The following PTPN4 variants were observed in gnomAD, a reference collection of about 807,000 sequenced individuals.
PTPN4 encodes the protein tyrosine-protein phosphatase non-receptor type 4.
In PTPN4, 49 loss-of-function variants were observed where a neutral mutation model predicts 135.5. The ratio of observed to expected loss-of-function variants is 0.36; its 90% CI spans 0.29 to 0.46. The LOEUF (loss-of-function observed/expected upper bound fraction) is 0.46. PTPN4 is among the 20% of genes least tolerant of loss of function. The pLI is 1.00. For synonymous variants in PTPN4, 333 were observed against 369.9 expected, an observed-to-expected ratio of 0.90 and a Z score of 1.14; for missense variants, 860 against 1,101.0, an observed-to-expected ratio of 0.78 and a Z score of 3.10.
intron 2 of PTPN4, among the ~76,000 whole-genome samples, chr2:119,827,145 C>A (rs114298709): frequency 0.016 from 2,408 of 152,258 alleles, 31 homozygotes; most frequent in Non-Finnish European, 0.028. Context: ...TACACATTTG[C>A]TTCCTAAGTT....
chr2:119,976,557 G>C (rs887680607), intron 26 of PTPN4, among the ~76,000 whole-genome samples: 1 of 152,018 alleles, frequency 6.6e-6, no homozygotes, highest in African/African-American at 2.4e-5. Context: ...CCCTGTTGAT[G>C]GCAATTAAAT....
chr2:119,902,371 C>G (rs1678418551), intron 10 of PTPN4, among the ~76,000 whole-genome samples: 1 of 152,154 alleles, frequency 6.6e-6, no homozygotes, highest in Non-Finnish European at 1.5e-5. Flanking sequence ...TTCACACACA[C>G]AAACAAAAAT....
At chr2:119,940,137 A>T (rs187017953) in intron 15 of PTPN4, among the ~76,000 whole-genome samples, 2 of 152,318 alleles carry the variant, frequency 1.3e-5, no homozygotes, top group Admixed American at 1.3e-4. Flanking sequence ...ATAGATTCCT[A>T]CTGTTAAAAT....
At chr2:119,837,483 C>T (rs190929955) in intron 2 of PTPN4, among the ~76,000 whole-genome samples, 14 of 151,834 alleles carry the variant, frequency 9.2e-5, no homozygotes, top group South Asian at 4.1e-4. Context: ...GCTATGCTGT[C>T]GCTCCGTGAA....
At chr2:119,847,714 T>A (rs1033652375) in intron 2 of PTPN4, among the ~76,000 whole-genome samples, 6 of 152,186 alleles carry the variant, frequency 3.9e-5, no homozygotes, top group Admixed American at 2.6e-4. Flanking sequence ...TGGGGTCACT[T>A]TTTTTCAGCC....
At chr2:119,858,059 G>A (rs575552984) in intron 2 of PTPN4, among the ~76,000 whole-genome samples, 4 of 152,274 alleles carry the variant, frequency 2.6e-5, no homozygotes, top group South Asian at 2.1e-4. Flanking sequence ...TGCTCTTGCC[G>A]TGTGATGTGC....
At chr2:119,764,107 A>G (rs1176863757) in intron 1 of PTPN4, among the ~76,000 whole-genome samples, 1 of 152,186 alleles carries the variant, frequency 6.6e-6, no homozygotes, top group Non-Finnish European at 1.5e-5. Context: ...CAATATGCTC[A>G]CCCATTACCT....
intron 13 of PTPN4, 141 bp downstream of exon 13, chr2:119,926,807 G>A (rs1678831438): frequency 3.2e-6 from 2 of 621,414 alleles, no homozygotes; most frequent in Non-Finnish European, 5.6e-6. Context: ...TTCTTTAACA[G>A]TAAATAATGT....
intron 3 of PTPN4, among the ~76,000 whole-genome samples, chr2:119,866,164 A>C (rs1432521151): frequency 2.6e-5 from 4 of 152,144 alleles, no homozygotes; most frequent in Admixed American, 2.6e-4. Context: ...TTTTATGAGC[A>C]GTCAAAGGTG....
chr2:119,883,374 C>T (rs955307369), intron 8 of PTPN4, among the ~76,000 whole-genome samples: 3 of 152,062 alleles, frequency 2.0e-5, no homozygotes, highest in Admixed American at 6.5e-5. Context: ...GAAACACTTA[C>T]GATCCCAAGC....
intron 13 of PTPN4, among the ~76,000 whole-genome samples, chr2:119,930,145 C>A (rs972396243): frequency 2.0e-5 from 3 of 152,034 alleles, no homozygotes; most frequent in Admixed American, 6.6e-5. Context: ...GTCTTCAAAT[C>A]AAAAAATCCT....
intron 26 of PTPN4, among the ~76,000 whole-genome samples, chr2:119,975,518 G>A (rs911897774): frequency 1.5e-4 from 23 of 152,196 alleles, no homozygotes; most frequent in African/African-American, 5.6e-4. Flanking sequence ...CTGAGGTCAG[G>A]AGTTCAAGAC....
intron 15 of PTPN4, among the ~76,000 whole-genome samples, chr2:119,937,255 C>T (rs185027282): frequency 2.6e-5 from 4 of 152,214 alleles, no homozygotes; most frequent in Admixed American, 2.0e-4. Flanking sequence ...TTCTGTTGTC[C>T]AAATGTGAAA....
chr2:119,790,059 G>A (rs915248662), intron 1 of PTPN4, among the ~76,000 whole-genome samples: 1 of 152,046 alleles, frequency 6.6e-6, no homozygotes, highest in African/African-American at 2.4e-5. Context: ...TTATTCCATT[G>A]TGGTTGAATA....
chr2:119,831,336 G>C (rs1403860833), intron 2 of PTPN4, among the ~76,000 whole-genome samples: 1 of 152,170 alleles, frequency 6.6e-6, no homozygotes, highest in East Asian at 1.9e-4. Flanking sequence ...TAGGGGTTGG[G>C]GACACCTACA....
chr2:119,942,402 G>A (rs1278907651), intron 15 of PTPN4, among the ~76,000 whole-genome samples: 1 of 152,120 alleles, frequency 6.6e-6, no homozygotes, highest in African/African-American at 2.4e-5. Context: ...AGTTTCTCCT[G>A]TATATTTTGG....
chr2:119,859,157 A>G (rs897163176), intron 2 of PTPN4, among the ~76,000 whole-genome samples: 1 of 152,170 alleles, frequency 6.6e-6, no homozygotes, highest in Non-Finnish European at 1.5e-5. Context: ...AACAGCATTC[A>G]TAATGGTTGC....
intron 2 of PTPN4, among the ~76,000 whole-genome samples, chr2:119,850,045 G>A (rs1023551489): frequency 4.6e-5 from 7 of 152,272 alleles, no homozygotes; most frequent in Admixed American, 2.6e-4. Flanking sequence ...CCTGCTTATC[G>A]TATTTCCCTG....
At chr2:119,775,704 CTG>C (rs1311962310) in intron 1 of PTPN4, among the ~76,000 whole-genome samples, 14 of 152,198 alleles carry the variant, frequency 9.2e-5, no homozygotes, top group African/African-American at 3.1e-4. Context: ...AGGCCTGAAA[CTG>C]TAAATACCTG....
Sources: allele counts gnomAD v4.1 joint callset (sites outside exome capture counted in the v4.1 genomes callset), GRCh38; gene constraint gnomAD v4.1.1; transcripts MANE v1.5; gene names NCBI Gene and HGNC (gene_info 2026-07-23, HGNC 2026-07-21).